Variants in ANKRD30A observed in about 807,000 individuals in gnomAD.
ANKRD30A encodes the protein ankyrin repeat domain-containing protein 30A.
In ANKRD30A, 170 loss-of-function variants were observed where a neutral mutation model predicts 166.3. The ratio of observed to expected loss-of-function variants is 1.02; its 90% confidence interval spans 0.90 to 1.16. ANKRD30A has a LOEUF of 1.16. Ranked by LOEUF, ANKRD30A falls within the 50% of genes most tolerant of loss-of-function variation. The pLI is 0.00. For synonymous variants in ANKRD30A, 564 were observed against 508.9 expected (o/e 1.11, Z -1.46); for missense variants, 1,630 against 1,518.0 (o/e 1.07, Z -1.23).
chr10:37,141,594 GAGAA>G, intron 6 of ANKRD30A, 120 bp from the exon 7 acceptor site: 1 of 845,612 alleles, frequency 1.2e-6, no homozygotes, highest in Non-Finnish European at 1.7e-6. Flanking sequence ...AAAAAAAAAA[GAGAA>G]AAGAAAAGTT....
intron 29 of ANKRD30A, 118 bp downstream of exon 29, chr10:37,197,598 A>T (rs1313456632): frequency 2.0e-5 from 29 of 1,474,266 alleles, no homozygotes; most frequent in Non-Finnish European, 2.6e-5. Context: ...TGATCTAGGT[A>T]ATGCCAATAC....
At chr10:37,142,755 A>C (rs994132330) in intron 7 of ANKRD30A, among the ~76,000 whole-genome samples, 8 of 151,334 alleles carry the variant, frequency 5.3e-5, no homozygotes, top group Admixed American at 4.6e-4. Flanking sequence ...CACCTGGATA[A>C]TTTTTTGTAT....
intron 1 of ANKRD30A, 84 bp downstream of exon 1, chr10:37,126,092 G>T: frequency 3.4e-6 from 5 of 1,461,084 alleles, no homozygotes; most frequent in South Asian, 1.2e-5. Flanking sequence ...GGGCTGGGGG[G>T]CCTGGGGAAG....
At chr10:37,259,144 A>G in the ANKRD30A span, among the ~76,000 whole-genome samples, 789 of 152,180 alleles carry the variant, frequency 5.2e-3, 8 homozygotes, top group African/African-American at 0.018. Flanking sequence ...ATTAAGAGAA[A>G]GAAAAGGGAA....
intron 34 of ANKRD30A, among the ~76,000 whole-genome samples, chr10:37,223,985 A>G (rs1265376933): frequency 1.3e-5 from 2 of 151,336 alleles, no homozygotes. Flanking sequence ...ATTTCAATAT[A>G]TTTATTAAAA....
At chr10:37,263,732 G>T in the ANKRD30A span, among the ~76,000 whole-genome samples, 1 of 152,202 alleles carries the variant, frequency 6.6e-6, no homozygotes, top group South Asian at 2.1e-4. Flanking sequence ...CGCACCTCCT[G>T]CTGTGCAGCC....
intron 31 of ANKRD30A, among the ~76,000 whole-genome samples, chr10:37,210,185 T>C (rs1330199401): frequency 6.6e-6 from 1 of 152,046 alleles, no homozygotes; most frequent in Non-Finnish European, 1.5e-5. Flanking sequence ...ATTGTTCAAC[T>C]CCCACTTATG....
At chr10:37,179,076 G>C (rs1464234511) in intron 24 of ANKRD30A, among the ~76,000 whole-genome samples, 1 of 143,348 alleles carries the variant, frequency 7.0e-6, no homozygotes, top group Non-Finnish European at 1.5e-5. Flanking sequence ...ATGTGTGCAT[G>C]TATGTATGTT....
At chr10:37,134,667 G>A (rs1316725067) in intron 5 of ANKRD30A, among the ~76,000 whole-genome samples, 2 of 152,168 alleles carry the variant, frequency 1.3e-5, no homozygotes, top group Non-Finnish European at 2.9e-5. Flanking sequence ...CTGGCAGCTA[G>A]AACTTTTAGC....
At chr10:37,143,430 CG>C (rs1837291105) in intron 7 of ANKRD30A, among the ~76,000 whole-genome samples, 1 of 152,094 alleles carries the variant, frequency 6.6e-6, no homozygotes. Flanking sequence ...CTGAAGCATG[CG>C]GATCACCAGG....
intron 5 of ANKRD30A, 120 bp downstream of exon 5, chr10:37,134,173 G>A: frequency 8.6e-7 from 1 of 1,163,884 alleles, no homozygotes; most frequent in African/African-American, 1.6e-5. Context: ...TAGTTAGAAG[G>A]AGTATTGGGT....
At chr10:37,254,408 C>T in the ANKRD30A span, among the ~76,000 whole-genome samples, 9 of 152,086 alleles carry the variant, frequency 5.9e-5, no homozygotes, top group African/African-American at 9.7e-5. Context: ...TATAGGCACA[C>T]TATTGGGTGT....
chr10:37,236,765 A>G (rs1289302094), downstream of ANKRD30A, among the ~76,000 whole-genome samples: 1 of 152,238 alleles, frequency 6.6e-6, no homozygotes, highest in African/African-American at 2.4e-5. Flanking sequence ...TGTGTCTTCA[A>G]TTTTGCTAAA....
intron 34 of ANKRD30A, among the ~76,000 whole-genome samples, chr10:37,229,591 A>T (rs1286302767): frequency 6.6e-6 from 1 of 151,914 alleles, no homozygotes; most frequent in Non-Finnish European, 1.5e-5. Flanking sequence ...GAACACCAGA[A>T]CTCATCCTCC....
chr10:37,234,909 G>A (rs906970893), downstream of ANKRD30A, among the ~76,000 whole-genome samples: 5 of 152,110 alleles, frequency 3.3e-5, no homozygotes, highest in Admixed American at 3.3e-4. Context: ...TGTGTCACAT[G>A]GTGGAACATT....
At chr10:37,193,590 GA>G (rs1840783973) in intron 27 of ANKRD30A, among the ~76,000 whole-genome samples, 1 of 152,042 alleles carries the variant, frequency 6.6e-6, no homozygotes, top group Non-Finnish European at 1.5e-5. Flanking sequence ...TTCAAAGGCT[GA>G]TTGGAATTCT....
In ANKRD30A at chr10:37,217,879, G is replaced by A. The variant is rs2132738633; in HGVS notation, c.3267+1G>A. 2.0e-6 allele frequency: 3 copies of A among 1,518,230 alleles called. No individual in the cohort carries two copies. The highest frequency in any genetic ancestry group is 1.4e-5 in the African/African-American group (1 of 69,304). 94.0% of individuals were successfully genotyped at this position (1,518,230 alleles called of 1,614,324 possible). On this transcript the variant is annotated splice_donor_variant, in intron 33 of 35. Transcript: ENST00000361713. LOFTEE classifies it high-confidence loss of function. ...GAGTGTAGAAAGTAATTTGAATCAGGTAAATCAATCTCTGATAAAAATTTT... is the reference window on the plus strand; with the variant it reads ...GAGTGTAGAAAGTAATTTGAATCAGATAAATCAATCTCTGATAAAAATTTT...
chr10:37,179,863 T>G (rs1272665609), intron 24 of ANKRD30A, among the ~76,000 whole-genome samples: 3 of 73,860 alleles, frequency 4.1e-5, no homozygotes, highest in Admixed American at 2.8e-4. Context: ...GTATTAACAC[T>G]TTTTGCAAAA....
At chr10:37,137,451 G>GT (rs1836786687) in intron 6 of ANKRD30A, among the ~76,000 whole-genome samples, 1 of 152,166 alleles carries the variant, frequency 6.6e-6, no homozygotes, top group East Asian at 1.9e-4. Context: ...GAAGCGCAAG[G>GT]GGTCAGGGAA....
Sources: gnomAD v4.1 joint callset for allele counts (sites outside exome capture counted in the v4.1 genomes callset) on GRCh38, gnomAD v4.1.1 for gene constraint, MANE v1.5 for transcripts, NCBI Gene and HGNC (gene_info 2026-07-23, HGNC 2026-07-21) for gene names.